LDLRAD3: variants seen among roughly 807,000 people sequenced by gnomAD.
The protein encoded by LDLRAD3 is low density lipoprotein receptor class A domain containing 3.
Under a neutral mutation model 29.4 loss-of-function variants are expected in LDLRAD3, and 20 were observed. That is an observed-to-expected ratio of 0.68 (90% CI 0.48 to 0.99). The LOEUF is 0.99. LDLRAD3 is among the 50% of genes least tolerant of loss of function. LDLRAD3 has a pLI of 0.00. For missense variants in LDLRAD3, 420 were observed against 454.3 expected (o/e 0.92, Z 0.69); for synonymous variants, 157 against 192.7 (o/e 0.81, Z 1.53).
chr11:36,087,246 A>G (rs1590256233), intron 3 of LDLRAD3, among the ~76,000 whole-genome samples: 1 of 152,246 alleles, frequency 6.6e-6, no homozygotes, highest in African/African-American at 2.4e-5. Flanking sequence ...CAAATCAACT[A>G]TTAAAAAAAT....
At chr11:36,183,959 T>C (rs4756294) in intron 4 of LDLRAD3, 1 of 317,762 alleles carries the variant, frequency 3.1e-6, no homozygotes, top group Non-Finnish European at 6.0e-6. Flanking sequence ...CAAATATATT[T>C]CATCTTTTTT....
At chr11:36,194,061 T>G (rs771256602) in intron 4 of LDLRAD3, among the ~76,000 whole-genome samples, 12 of 152,232 alleles carry the variant, frequency 7.9e-5, no homozygotes, top group Non-Finnish European at 1.8e-4. Context: ...GGCATTTAGC[T>G]GCTTACATAT....
At position 36,124,107 on chromosome 11, in the gene LDLRAD3, C is replaced by T. The variant is rs147564430; in HGVS notation, c.454+25646C>T. 7.5e-4 allele frequency among the ~76,000 whole-genome samples: 114 copies of T among 152,332 alleles called. 1 individual carries two copies. In the East Asian group the frequency reaches 0.015, roughly 21 times the overall value. On this transcript the variant is annotated intron_variant, in intron 4 of 5. Transcript: ENST00000315571. ...AATTGTCCAAAGCAACTGATGGCAA[C>T]AGCTGGCAGAGAAGCTGGTCTTCAG... is the stretch of plus-strand genomic sequence containing the variant.
chr11:36,215,631 C>T (rs529437410), intron 4 of LDLRAD3, among the ~76,000 whole-genome samples: 67 of 152,250 alleles, frequency 4.4e-4, no homozygotes, highest in African/African-American at 1.4e-3. Flanking sequence ...GTGTGCAAAA[C>T]GAACAGCCCT....
chr11:36,208,552 C>T (rs1398314208), intron 4 of LDLRAD3, among the ~76,000 whole-genome samples: 1 of 152,174 alleles, frequency 6.6e-6, no homozygotes, highest in Non-Finnish European at 1.5e-5. Context: ...GGCCTGATCG[C>T]CCTTAAATGC....
chr11:35,949,180 G>A (rs907987066), intron 1 of LDLRAD3, among the ~76,000 whole-genome samples: 7 of 152,128 alleles, frequency 4.6e-5, no homozygotes, highest in African/African-American at 9.7e-5. Context: ...CAGGAATGCC[G>A]TCAGCACTGA....
chr11:36,099,582 T>C (rs956678076), intron 4 of LDLRAD3, among the ~76,000 whole-genome samples: 3 of 152,232 alleles, frequency 2.0e-5, no homozygotes, highest in Admixed American at 6.5e-5. Flanking sequence ...AAGAGAATGA[T>C]GGTTAACTGC....
chr11:36,081,230 T>C (rs1268534526), intron 2 of LDLRAD3, among the ~76,000 whole-genome samples: 1 of 152,214 alleles, frequency 6.6e-6, no homozygotes, highest in African/African-American at 2.4e-5. Context: ...AGATGATCCA[T>C]ACAAAGCTCT....
At position 36,169,065 on chromosome 11, in the gene LDLRAD3, G is replaced by T. The variant is rs1207963508; in HGVS notation, c.455-58020G>T. Reference sequence around the variant, plus strand: ...CTCCCAGAAGAGTTGTCTTATTTCTGATTTGGGTGAGTGCAGACTACAGTT... The same window carrying T: ...CTCCCAGAAGAGTTGTCTTATTTCTTATTTGGGTGAGTGCAGACTACAGTT... On this transcript the variant is annotated intron_variant, in intron 4 of 5. Transcript: ENST00000315571. Among the ~76,000 whole-genome samples the T allele has an allele frequency of 1.2e-4, 19 of 152,150 alleles. 1 individual carries two copies. The highest frequency in any genetic ancestry group is 1.2e-3 in the Admixed American group (18 of 15,264).
chr11:36,015,964 C>T (rs1010406127), intron 1 of LDLRAD3, among the ~76,000 whole-genome samples: 1 of 152,162 alleles, frequency 6.6e-6, no homozygotes, highest in Non-Finnish European at 1.5e-5. Flanking sequence ...CTGGAAGACC[C>T]AGTAGCATGG....
At chr11:36,147,098 CTTTTTTTTTTTTTTTTTT>C (rs55747441) in intron 4 of LDLRAD3, among the ~76,000 whole-genome samples, 68 of 48,220 alleles carry the variant, frequency 1.4e-3, no homozygotes, top group Admixed American at 6.0e-3. Context: ...CCCATATTTA[CTTTTTTTTTTTTTTTTTT>C]TTTTTTTTTT....
intron 2 of LDLRAD3, among the ~76,000 whole-genome samples, chr11:36,058,298 C>T (rs1852650766): frequency 2.6e-5 from 4 of 152,328 alleles, no homozygotes; most frequent in Admixed American, 2.6e-4. Context: ...GGAGCACTCA[C>T]ACCACTTCCC....
At chr11:36,120,560 C>A (rs977217579) in intron 4 of LDLRAD3, among the ~76,000 whole-genome samples, 1 of 152,132 alleles carries the variant, frequency 6.6e-6, no homozygotes, top group African/African-American at 2.4e-5. Flanking sequence ...CCTCATGAGG[C>A]AGTGATGAGT....
chr11:36,020,644 G>A (rs1169246277), intron 1 of LDLRAD3, among the ~76,000 whole-genome samples: 4 of 152,148 alleles, frequency 2.6e-5, no homozygotes, highest in Non-Finnish European at 4.4e-5. Flanking sequence ...GAGCATTATG[G>A]TAAATGAAGA....
chr11:36,008,557 G>A lies in LDLRAD3; in HGVS notation c.47-27546G>A, dbSNP rs1329673804. 3.3e-5 allele frequency among the ~76,000 whole-genome samples: 5 copies of A among 152,158 alleles called. No homozygotes were observed. The East Asian group carries it at 5.8e-4, about 18-fold the overall frequency. On this transcript the variant is annotated intron_variant, in intron 1 of 5. Coordinates refer to ENST00000315571, the MANE Select transcript of LDLRAD3 (RefSeq NM_174902.4). ...TTGTCGATACACAGGCAATTCTTTG[G>A]GTGTTCCAGTCCTATGGGGTGAGAA...
chr11:36,043,357 C>G (rs887893823), intron 2 of LDLRAD3, among the ~76,000 whole-genome samples: 2 of 152,178 alleles, frequency 1.3e-5, no homozygotes, highest in Non-Finnish European at 2.9e-5. Context: ...TAGCTTCCTG[C>G]AGCTGTCTAA....
At chr11:36,062,069 C>G (rs866855258) in intron 2 of LDLRAD3, among the ~76,000 whole-genome samples, 1 of 152,076 alleles carries the variant, frequency 6.6e-6, no homozygotes, top group Non-Finnish European at 1.5e-5. Context: ...TCTGTAAGGT[C>G]AGTTTCATCT....
chr11:36,217,623 G>A (rs1045659359), intron 4 of LDLRAD3, among the ~76,000 whole-genome samples: 28 of 152,162 alleles, frequency 1.8e-4, no homozygotes, highest in African/African-American at 6.8e-4. Flanking sequence ...CACAAACTTG[G>A]CTTTGAAACA....
At chr11:36,003,195 C>G (rs987538006) in intron 1 of LDLRAD3, among the ~76,000 whole-genome samples, 1 of 152,136 alleles carries the variant, frequency 6.6e-6, no homozygotes, top group Non-Finnish European at 1.5e-5. Flanking sequence ...TTCTAATGGC[C>G]AAGCCTGATC....
Sources: gnomAD v4.1 joint callset for allele counts (sites outside exome capture counted in the v4.1 genomes callset) on GRCh38, gnomAD v4.1.1 for gene constraint, MANE v1.5 for transcripts, NCBI Gene and HGNC (gene_info 2026-07-23, HGNC 2026-07-21) for gene names.